The following AHCYL2 variants were observed in gnomAD, a reference collection of about 807,000 sequenced individuals.
AHCYL2 encodes the protein S-adenosylhomocysteine hydrolase-like protein 2.
In AHCYL2, 28 loss-of-function variants were observed where a neutral mutation model predicts 81.4. The ratio of observed to expected loss-of-function variants is 0.34; its 90% CI spans 0.25 to 0.47. The LOEUF (loss-of-function observed/expected upper bound fraction) is 0.47. AHCYL2 is among the 20% of genes least tolerant of loss of function. The pLI, the probability that AHCYL2 is intolerant of heterozygous loss-of-function variation, is 1.00. For missense variants in AHCYL2, 551 were observed against 785.1 expected (o/e 0.70, Z 3.56); for synonymous variants, 272 against 290.2 (o/e 0.94, Z 0.64).
intron 6 of AHCYL2, among the ~76,000 whole-genome samples, chr7:129,402,416 T>C (rs112372159): frequency 5.2e-4 from 79 of 152,232 alleles, no homozygotes; most frequent in African/African-American, 9.4e-4. Flanking sequence ...TTGGCACTTA[T>C]AGTAGAGTTG....
chr7:129,386,500 T>C (rs1795211234), intron 2 of AHCYL2, among the ~76,000 whole-genome samples: 1 of 152,066 alleles, frequency 6.6e-6, no homozygotes. Context: ...CAAATACATT[T>C]TGGCTCAAAG....
intron 1 of AHCYL2, among the ~76,000 whole-genome samples, chr7:129,254,609 A>G (rs1795348821): frequency 6.6e-6 from 1 of 152,216 alleles, no homozygotes; most frequent in African/African-American, 2.4e-5. Context: ...AACTAGAGCC[A>G]GGTCTCAATT....
At chr7:129,307,947 G>C (rs529242176) in intron 1 of AHCYL2, among the ~76,000 whole-genome samples, 4 of 151,784 alleles carry the variant, frequency 2.6e-5, no homozygotes, top group Admixed American at 6.6e-5. Context: ...GGCTGAACTG[G>C]TATCTAAGTT....
At chr7:129,277,278 C>T (rs1162744890) in intron 1 of AHCYL2, among the ~76,000 whole-genome samples, 6 of 135,792 alleles carry the variant, frequency 4.4e-5, no homozygotes, top group Non-Finnish European at 8.0e-5. Flanking sequence ...AAGTCTCTCT[C>T]TTTTTTTTTT....
chr7:129,415,376 T>C (rs1438680011), intron 12 of AHCYL2, among the ~76,000 whole-genome samples: 1 of 152,208 alleles, frequency 6.6e-6, no homozygotes, highest in Non-Finnish European at 1.5e-5. Context: ...GAAATAAAAA[T>C]AATTCCAAAT....
chr7:129,241,080 T>G (rs1187841671), intron 1 of AHCYL2, among the ~76,000 whole-genome samples: 1 of 152,128 alleles, frequency 6.6e-6, no homozygotes, highest in African/African-American at 2.4e-5. Context: ...CCAGATTTCT[T>G]GTGACTCGGG....
chr7:129,273,148 C>A (rs935529889), intron 1 of AHCYL2, among the ~76,000 whole-genome samples: 1 of 151,932 alleles, frequency 6.6e-6, no homozygotes, highest in African/African-American at 2.4e-5. Context: ...GTGATCCATC[C>A]GCCTTAGCCT....
intron 5 of AHCYL2, among the ~76,000 whole-genome samples, chr7:129,399,688 A>C (rs1795930470): frequency 6.6e-6 from 1 of 151,314 alleles, no homozygotes; most frequent in Non-Finnish European, 1.5e-5. Context: ...TGGATCAAGA[A>C]GTACCTGTTT....
intron 2 of AHCYL2, among the ~76,000 whole-genome samples, chr7:129,386,108 A>G (rs1795189185): frequency 1.3e-5 from 2 of 152,216 alleles, no homozygotes; most frequent in African/African-American, 4.8e-5. Context: ...TCGTATCCAC[A>G]TAGTAGTACA....
In AHCYL2 at chr7:129,256,549, A is replaced by ACACC. The variant is rs1213535960; in HGVS notation, c.363+31111_363+31112insACCC. Among the ~76,000 whole-genome samples, 514 of 63,728 alleles carry ACACC rather than the reference A, an allele frequency of 8.1e-3. 6 individuals are homozygous for ACACC. Among genetic ancestry groups the ACACC allele is most frequent in the Middle Eastern group, 0.043 (5 of 116 alleles). 41.8% of individuals were successfully genotyped at this position (63,728 alleles called of 152,430 possible). A position where few individuals can be genotyped will look rare whatever the true frequency, so the allele number is the denominator to read the frequency against. On this transcript the variant is annotated intron_variant, in intron 1 of 16. Coordinates refer to ENST00000325006, the MANE Select transcript of AHCYL2 (RefSeq NM_015328.4). The stretch of plus-strand genomic sequence containing the variant: ...TCTTGCTTCCCGCCCCCCACCCCCC[A>ACACC]CCCCCCCCCCGCCTTAATCTATCTT...
chr7:129,261,098 A>G (rs1795620689), intron 1 of AHCYL2, among the ~76,000 whole-genome samples: 1 of 152,052 alleles, frequency 6.6e-6, no homozygotes, highest in Admixed American at 6.6e-5. Flanking sequence ...CCTGAAATGG[A>G]TTTCTTATTC....
At chr7:129,246,818 A>G (rs1335231810) in intron 1 of AHCYL2, among the ~76,000 whole-genome samples, 1 of 152,164 alleles carries the variant, frequency 6.6e-6, no homozygotes, top group Admixed American at 6.5e-5. Context: ...TATAAATTAA[A>G]TTATACAATA....
At chr7:129,317,880 T>C (rs1210994825) in intron 1 of AHCYL2, among the ~76,000 whole-genome samples, 3 of 152,228 alleles carry the variant, frequency 2.0e-5, no homozygotes, top group Non-Finnish European at 4.4e-5. Context: ...GAAATAAAAG[T>C]AGAAACTCAA....
Position 129,383,170 on chromosome 7 carries a change from C to T in AHCYL2, c.475+3421C>T, listed in dbSNP as rs572059004. 2.0e-5 allele frequency among the ~76,000 whole-genome samples: 3 copies of T among 151,172 alleles called. No homozygotes were observed. In the East Asian group the frequency reaches 5.8e-4, roughly 29 times the overall value. ...TATAGATATCTCTTTTTATTTTATTCTATTTTTTTTTAAGAGACAGGGTCT... is the reference window on the plus strand; with the variant it reads ...TATAGATATCTCTTTTTATTTTATTTTATTTTTTTTTAAGAGACAGGGTCT... On this transcript the variant is annotated intron_variant, in intron 2 of 16. Coordinates refer to ENST00000325006, the MANE Select transcript of AHCYL2 (RefSeq NM_015328.4).
At chr7:129,242,804 T>C (rs181672495) in intron 1 of AHCYL2, among the ~76,000 whole-genome samples, 1 of 152,230 alleles carries the variant, frequency 6.6e-6, no homozygotes. Context: ...AGTGGCTTGA[T>C]TCCTGTTTTC....
chr7:129,283,487 ACTT>A (rs1796520897), intron 1 of AHCYL2: 2 of 454,488 alleles, frequency 4.4e-6, no homozygotes, highest in South Asian at 1.6e-5. Flanking sequence ...TATTTTAAAT[ACTT>A]CTTATGTGCT....
intron 11 of AHCYL2, among the ~76,000 whole-genome samples, chr7:129,411,701 G>A (rs1034666358): frequency 2.0e-5 from 3 of 150,930 alleles, no homozygotes; most frequent in African/African-American, 7.3e-5. Flanking sequence ...GGAGGTTGCA[G>A]TGAGCCAAGA....
intron 1 of AHCYL2, among the ~76,000 whole-genome samples, chr7:129,356,326 C>T (rs1793734356): frequency 6.6e-6 from 1 of 152,162 alleles, no homozygotes; most frequent in Non-Finnish European, 1.5e-5. Flanking sequence ...TATTACTGCC[C>T]TACTTAGAAA....
chr7:129,405,806 T>A (rs1278984371), intron 8 of AHCYL2, 30 bp from the exon 9 acceptor site: 1 of 1,588,082 alleles, frequency 6.3e-7, no homozygotes, highest in East Asian at 2.3e-5. Context: ...AGAGAAGATT[T>A]TTCTGATTTA....
Sources: allele counts gnomAD v4.1 joint callset (sites outside exome capture counted in the v4.1 genomes callset), GRCh38; gene constraint gnomAD v4.1.1; transcripts MANE v1.5; gene names NCBI Gene and HGNC (gene_info 2026-07-23, HGNC 2026-07-21).